UBE2L3: variants seen among roughly 807,000 people sequenced by gnomAD.
The protein encoded by UBE2L3 is ubiquitin conjugating enzyme E2 L3, also known as ubiquitin-conjugating enzyme E2 L3.
A neutral mutation model predicts 17.8 loss-of-function variants in UBE2L3; 1 was observed. That is an observed-to-expected ratio of 0.06 (90% CI 0.02 to 0.27). The LOEUF is 0.27. Ranked by LOEUF, UBE2L3 falls within the 10% of genes least tolerant of loss-of-function variation. UBE2L3 has a pLI of 1.00. For synonymous variants in UBE2L3, 44 were observed against 68.5 expected (o/e 0.64, Z 1.76); for missense variants, 40 against 192.6 (o/e 0.21, Z 4.69).
intron 1 of UBE2L3, among the ~76,000 whole-genome samples, chr22:21,586,364 C>G (rs1422443967): frequency 6.6e-6 from 1 of 152,190 alleles, no homozygotes; most frequent in Non-Finnish European, 1.5e-5. Flanking sequence ...TTCCCAGGTT[C>G]AAGCGATTCT....
chr22:21,584,613 G>T (rs1287503602), intron 1 of UBE2L3, among the ~76,000 whole-genome samples: 3 of 151,424 alleles, frequency 2.0e-5, no homozygotes, highest in African/African-American at 4.8e-5. Flanking sequence ...TAATTTTTTT[G>T]TAGAGATGAG....
At chr22:21,618,155 TG>T (rs1178971364) in intron 3 of UBE2L3, among the ~76,000 whole-genome samples, 1 of 151,908 alleles carries the variant, frequency 6.6e-6, no homozygotes, top group Non-Finnish European at 1.5e-5. Flanking sequence ...CACTCCAGCC[TG>T]GGCGACAGAG....
chr22:21,577,315 G>C (rs1927370159), intron 1 of UBE2L3, among the ~76,000 whole-genome samples: 1 of 151,946 alleles, frequency 6.6e-6, no homozygotes, highest in Admixed American at 6.6e-5. Context: ...GTGTTGGCCA[G>C]GCTGGTCGTG....
At chr22:21,595,587 G>C (rs1302451265) in intron 2 of UBE2L3, among the ~76,000 whole-genome samples, 4 of 152,220 alleles carry the variant, frequency 2.6e-5, no homozygotes, top group South Asian at 2.1e-4. Context: ...GGGAGGGAAG[G>C]CTGGGGAGGT....
upstream of UBE2L3, among the ~76,000 whole-genome samples, chr22:21,566,605 T>C (rs1172409890): frequency 6.6e-6 from 1 of 150,886 alleles, no homozygotes; most frequent in East Asian, 2.0e-4. Context: ...AAAAATCATC[T>C]GACCATGGAG....
upstream of UBE2L3, chr22:21,567,656 G>T: frequency 6.5e-7 from 1 of 1,547,486 alleles, no homozygotes; most frequent in Non-Finnish European, 8.7e-7. Flanking sequence ...CCCGCCCCGC[G>T]GCCCCTCCCC....
intron 1 of UBE2L3, among the ~76,000 whole-genome samples, chr22:21,572,477 C>T: frequency 6.7e-6 from 1 of 149,552 alleles, no homozygotes; most frequent in Non-Finnish European, 1.5e-5. Context: ...TCTCAGGGTA[C>T]TGGGGCCTTT....
chr22:21,557,982 C>A (rs1256164533), intron 1 of UBE2L3, among the ~76,000 whole-genome samples: 1 of 149,212 alleles, frequency 6.7e-6, no homozygotes, highest in African/African-American at 2.5e-5. Flanking sequence ...CATCCCAGTA[C>A]ATAATGACTT....
At chr22:21,585,021 A>C (rs930151972) in intron 1 of UBE2L3, among the ~76,000 whole-genome samples, 2 of 152,250 alleles carry the variant, frequency 1.3e-5, no homozygotes, top group African/African-American at 2.4e-5. Flanking sequence ...TCCAACCAGC[A>C]GGTGAACTTT....
chr22:21,597,103 C>T (rs911162504), intron 2 of UBE2L3, among the ~76,000 whole-genome samples: 3 of 151,820 alleles, frequency 2.0e-5, no homozygotes, highest in Admixed American at 6.6e-5. Context: ...CTCAGCCTCC[C>T]GAGTAGCTGG....
intron 2 of UBE2L3, among the ~76,000 whole-genome samples, chr22:21,605,483 A>G (rs1288038240): frequency 6.6e-6 from 1 of 151,628 alleles, no homozygotes; most frequent in Non-Finnish European, 1.5e-5. Flanking sequence ...TTTTTTTAGT[A>G]TAGATAGGGT....
At chr22:21,571,527 G>C (rs1365980853) in intron 1 of UBE2L3, among the ~76,000 whole-genome samples, 7 of 152,114 alleles carry the variant, frequency 4.6e-5, no homozygotes, top group African/African-American at 1.4e-4. Flanking sequence ...TCCTGCCTCA[G>C]CCTCCCAAGT....
rs1287864636 is a variant in UBE2L3, at chr22:21,559,549, G to A, written c.201+9899G>A. On this transcript the variant is annotated intron_variant, in intron 1 of 3. Transcript: ENST00000458578. ...TGTGGTGCTCATGGGGAGAAGAGCC[G>A]CATCAGAGCAGGCTTCCTGCATGAG... 4.6e-5 allele frequency among the ~76,000 whole-genome samples: 7 copies of A among 152,026 alleles called. No homozygotes were observed. In the East Asian group the frequency reaches 9.7e-4, roughly 21 times the overall value.
rs1023572880 is a variant in UBE2L3, at chr22:21,622,682, C to G, written c.*1013C>G. On this transcript the variant is annotated 3_prime_UTR_variant, in exon 4 of 4. Coordinates refer to ENST00000342192, the MANE Select transcript of UBE2L3 (RefSeq NM_003347.4). Reference sequence around the variant, plus strand: ...AGCCCTCCCTCGGCACACTTTGACCCTTTGTAGGATTGGAATTAGCAGGAC... The same window carrying G: ...AGCCCTCCCTCGGCACACTTTGACCGTTTGTAGGATTGGAATTAGCAGGAC... 2 of 152,936 alleles carry G rather than the reference C, an allele frequency of 1.3e-5. No homozygotes were observed. Among genetic ancestry groups the G allele is most frequent in the Non-Finnish European group, 2.9e-5 (2 of 68,272 alleles). 9.5% of individuals were successfully genotyped at this position (152,936 alleles called of 1,614,324 possible).
At chr22:21,603,898 T>G (rs1601430318) in intron 2 of UBE2L3, among the ~76,000 whole-genome samples, 1 of 144,440 alleles carries the variant, frequency 6.9e-6, no homozygotes, top group East Asian at 2.1e-4. Context: ...ATTGAAAAGG[T>G]GTTTTTTGAT....
intron 3 of UBE2L3, among the ~76,000 whole-genome samples, chr22:21,612,414 C>T (rs1929526840): frequency 6.6e-6 from 1 of 152,100 alleles, no homozygotes; most frequent in Non-Finnish European, 1.5e-5. Context: ...CAACCTCCGC[C>T]TCCCGAGTTC....
intron 1 of UBE2L3, 120 bp from the exon 2 acceptor site, chr22:21,592,741 A>G: frequency 3.9e-6 from 3 of 776,900 alleles, no homozygotes; most frequent in Non-Finnish European, 6.6e-6. Context: ...TTTAGTCCTC[A>G]CTGTCCAATT....
upstream of UBE2L3, among the ~76,000 whole-genome samples, chr22:21,564,744 C>T (rs948564296): frequency 6.6e-6 from 1 of 152,178 alleles, no homozygotes; most frequent in Non-Finnish European, 1.5e-5. Flanking sequence ...AATTTCTCAG[C>T]GTAAGCGTCC....
chr22:21,592,944 G>C lies in UBE2L3; in HGVS notation c.111G>C (p.Gly37=), dbSNP rs1568979373. 6.2e-7 allele frequency: 1 copy of C among 1,613,878 alleles called. No homozygotes were observed. The highest frequency in any genetic ancestry group is 2.2e-5 in the East Asian group (1 of 44,886). ...VDEANLLTWQ[G]LIVPDNPPYD... ...AAGCTAATTTATTGACTTGGCAAGGGCTTATTGTTCCTGTGAGTATTGAAC... is the reference window on the plus strand; with the variant it reads ...AAGCTAATTTATTGACTTGGCAAGGCCTTATTGTTCCTGTGAGTATTGAAC... Residue 37 remains glycine, a synonymous_variant, in exon 2 of 4, where the codon GGG becomes GGC. Transcript: ENST00000342192.
Sources: allele counts gnomAD v4.1 joint callset (sites outside exome capture counted in the v4.1 genomes callset), GRCh38; gene constraint gnomAD v4.1.1; transcripts MANE v1.5; gene names NCBI Gene and HGNC (gene_info 2026-07-23, HGNC 2026-07-21).